Variants in COL19A1 observed in about 807,000 individuals in gnomAD.
COL19A1 encodes collagen alpha-1(XIX) chain.
A neutral mutation model predicts 190.2 loss-of-function variants in COL19A1; 159 were observed. The ratio of observed to expected loss-of-function variants is 0.84; its 90% CI spans 0.73 to 0.95. COL19A1 has a LOEUF of 0.95. Among genes scored for constraint, COL19A1 ranks in the 40% least tolerant of loss-of-function variants. The pLI is 0.00. For synonymous variants in COL19A1, 509 were observed against 458.9 expected (o/e 1.11, Z -1.39); for missense variants, 1,418 against 1,431.9 (o/e 0.99, Z 0.16).
intron 12 of COL19A1, among the ~76,000 whole-genome samples, chr6:70,024,805 C>T (rs1351470338): frequency 6.6e-6 from 1 of 152,200 alleles, no homozygotes; most frequent in African/African-American, 2.4e-5. Context: ...CTATGGGAGT[C>T]TCTGCATCTT....
chr6:69,897,056 G>A (rs1382523266), intron 2 of COL19A1, among the ~76,000 whole-genome samples: 3 of 152,116 alleles, frequency 2.0e-5, no homozygotes, highest in Non-Finnish European at 2.9e-5. Flanking sequence ...AGACATCTTT[G>A]CTATCCCAAG....
intron 16 of COL19A1, among the ~76,000 whole-genome samples, chr6:70,113,646 G>T (rs1038010930): frequency 6.6e-6 from 1 of 152,048 alleles, no homozygotes; most frequent in Non-Finnish European, 1.5e-5. Context: ...TATTTAAGAT[G>T]CTGGTTGAGA....
rs116025751 is a variant in COL19A1, at chr6:69,934,518, C to T, written c.747+1655C>T. Among the ~76,000 whole-genome samples, 1,339 of 151,948 alleles carry T rather than the reference C, an allele frequency of 8.8e-3. 12 individuals are homozygous for T. Among genetic ancestry groups the T allele is most frequent in the African/African-American group, 0.03 (1,251 of 41,484 alleles). On this transcript the variant is annotated intron_variant, in intron 7 of 50. Coordinates refer to ENST00000620364, the MANE Select transcript of COL19A1 (RefSeq NM_001858.6). ...TATCATTATATTAATGTAATAGAAACTTTCCACCTGATTTATGAGGAAATT... is the reference window on the plus strand; with the variant it reads ...TATCATTATATTAATGTAATAGAAATTTTCCACCTGATTTATGAGGAAATT...
At chr6:69,929,745 T>TAA (rs11421187) in intron 6 of COL19A1, 45 bp downstream of exon 6, 1,117 of 1,444,230 alleles carry the variant, frequency 7.7e-4, no homozygotes, top group African/African-American at 6.6e-3. Context: ...AATTTCTAAG[T>TAA]AAAAAAAAAA....
intron 15 of COL19A1, among the ~76,000 whole-genome samples, chr6:70,096,428 C>T (rs1208771972): frequency 6.6e-6 from 1 of 152,122 alleles, no homozygotes; most frequent in African/African-American, 2.4e-5. Flanking sequence ...TCCTCACCAA[C>T]ACTTGTTTTC....
At chr6:70,103,696 C>T (rs1418852372) in intron 16 of COL19A1, among the ~76,000 whole-genome samples, 3 of 152,170 alleles carry the variant, frequency 2.0e-5, no homozygotes, top group Non-Finnish European at 4.4e-5. Flanking sequence ...AAACATTTCT[C>T]CTATAGAAGC....
intron 4 of COL19A1, among the ~76,000 whole-genome samples, chr6:69,916,668 T>G (rs976915588): frequency 2.2e-4 from 33 of 152,352 alleles, no homozygotes; most frequent in Middle Eastern, 3.4e-3. Flanking sequence ...GTTGTTAATA[T>G]TATAGTGTGA....
chr6:69,894,128 C>T (rs1223571570), intron 2 of COL19A1, among the ~76,000 whole-genome samples: 6 of 152,158 alleles, frequency 3.9e-5, no homozygotes, highest in East Asian at 1.9e-4. Context: ...TCACAGGCCA[C>T]GGTCACTCAT....
intron 11 of COL19A1, among the ~76,000 whole-genome samples, chr6:69,983,961 A>G (rs996914493): frequency 2.1e-4 from 32 of 152,256 alleles, no homozygotes; most frequent in African/African-American, 7.2e-4. Flanking sequence ...TGCTAGGATC[A>G]TAAAATGAGT....
At chr6:70,070,161 G>A (rs1781461737) in intron 15 of COL19A1, among the ~76,000 whole-genome samples, 1 of 151,998 alleles carries the variant, frequency 6.6e-6, no homozygotes, top group Non-Finnish European at 1.5e-5. Context: ...GATACTGGGT[G>A]AACTGAAAAA....
At chr6:70,140,104 T>C (rs1383129502) in intron 19 of COL19A1, among the ~76,000 whole-genome samples, 1 of 151,956 alleles carries the variant, frequency 6.6e-6, no homozygotes, top group Admixed American at 6.6e-5. Flanking sequence ...AGATAGTTCA[T>C]CATGTTGGGT....
intron 2 of COL19A1, among the ~76,000 whole-genome samples, chr6:69,884,110 G>A (rs151161063): frequency 0.01 from 1,597 of 152,130 alleles, 74 homozygotes; most frequent in Admixed American, 0.082. Context: ...CGAGGCAGGC[G>A]GATTGCCTGA....
chr6:70,028,399 A>G (rs1177338732), intron 12 of COL19A1, among the ~76,000 whole-genome samples: 1 of 152,190 alleles, frequency 6.6e-6, no homozygotes, highest in Admixed American at 6.5e-5. Context: ...CTTGTTTTGC[A>G]GATAAAGACT....
chr6:69,927,439 G>A (rs1231145819), intron 4 of COL19A1, among the ~76,000 whole-genome samples: 3 of 152,140 alleles, frequency 2.0e-5, no homozygotes, highest in Non-Finnish European at 2.9e-5. Context: ...GTTATATTTA[G>A]CATGGTCTTC....
intron 9 of COL19A1, among the ~76,000 whole-genome samples, chr6:69,955,073 A>G (rs1000847387): frequency 3.9e-5 from 6 of 152,132 alleles, no homozygotes; most frequent in Admixed American, 3.9e-4. Context: ...TTCACATTAA[A>G]TAAGTATTTC....
At chr6:69,875,138 C>T (rs982049698) in intron 1 of COL19A1, among the ~76,000 whole-genome samples, 23 of 152,100 alleles carry the variant, frequency 1.5e-4, no homozygotes, top group East Asian at 7.7e-4. Flanking sequence ...AGGGCTTTTG[C>T]GCATAGTAAC....
rs770537459 is a variant in COL19A1, at chr6:70,146,643, A to AT, written c.1771-16_1771-15insT. 28 of 1,592,474 alleles carry AT rather than the reference A, an allele frequency of 1.8e-5. No individual in the cohort carries two copies. In the African/African-American group the frequency reaches 1.9e-4, roughly 11 times the overall value. On this transcript the variant is annotated splice_polypyrimidine_tract_variant and intron_variant, in intron 25 of 50. Transcript: ENST00000620364. ...TTTCTAGAAGAAGATATGTATTCAT[A>AT]CTTTTTTTCTTTTAGGGATTAGATG... is the stretch of plus-strand genomic sequence containing the variant.
At chr6:70,148,863 G>A (rs1283326256) in intron 27 of COL19A1, among the ~76,000 whole-genome samples, 1 of 151,908 alleles carries the variant, frequency 6.6e-6, no homozygotes, top group East Asian at 1.9e-4. Flanking sequence ...GGAGGCGGAG[G>A]TTGCAGTGAG....
chr6:70,076,855 G>A (rs1262055505), intron 15 of COL19A1, among the ~76,000 whole-genome samples: 5 of 152,156 alleles, frequency 3.3e-5, no homozygotes, highest in Non-Finnish European at 7.3e-5. Flanking sequence ...TAATACACCT[G>A]CATCAGGATC....
Sources: gnomAD v4.1 joint callset for allele counts (sites outside exome capture counted in the v4.1 genomes callset) on GRCh38, gnomAD v4.1.1 for gene constraint, MANE v1.5 for transcripts, NCBI Gene and HGNC (gene_info 2026-07-23, HGNC 2026-07-21) for gene names.